L3MBTL4: variants seen among roughly 807,000 people sequenced by gnomAD.
The protein encoded by L3MBTL4 is L3MBTL histone methyl-lysine binding protein 4.
Under a neutral mutation model 84.5 loss-of-function variants are expected in L3MBTL4, and 70 were observed. The ratio of observed to expected loss-of-function variants is 0.83; its 90% confidence interval spans 0.68 to 1.01. The LOEUF is 1.01. L3MBTL4 is among the 50% of genes least tolerant of loss of function. The pLI, the probability that L3MBTL4 is intolerant of heterozygous loss-of-function variation, is 0.00. For missense variants in L3MBTL4, 715 were observed against 754.8 expected (o/e 0.95, Z 0.62); for synonymous variants, 274 against 259.8 (o/e 1.05, Z -0.52).
intron 16 of L3MBTL4, among the ~76,000 whole-genome samples, chr18:6,003,110 GA>G (rs2073357553): frequency 4.0e-5 from 4 of 100,450 alleles, no homozygotes; most frequent in Non-Finnish European, 7.8e-5. Flanking sequence ...TATTTATAGA[GA>G]TACTATATAA....
intron 16 of L3MBTL4, among the ~76,000 whole-genome samples, chr18:6,073,647 G>A (rs2057763214): frequency 1.3e-5 from 2 of 152,124 alleles, no homozygotes; most frequent in Admixed American, 6.5e-5. Flanking sequence ...TTCTCACTTA[G>A]CATGGTAGTC....
At chr18:6,207,476 G>A (rs745808062) in intron 12 of L3MBTL4, among the ~76,000 whole-genome samples, 7 of 152,172 alleles carry the variant, frequency 4.6e-5, no homozygotes, top group Non-Finnish European at 8.8e-5. Flanking sequence ...ACAGCAGCAT[G>A]GGGGTTTGAG....
intron 16 of L3MBTL4, among the ~76,000 whole-genome samples, chr18:6,063,705 AT>A (rs547409498): frequency 0.01 from 1,518 of 150,102 alleles, 26 homozygotes; most frequent in African/African-American, 0.035. Context: ...TGAGATTATT[AT>A]TTTTTTTTCT....
intron 14 of L3MBTL4, among the ~76,000 whole-genome samples, chr18:6,118,492 A>G (rs189291516): frequency 2.0e-3 from 297 of 152,302 alleles, no homozygotes; most frequent in African/African-American, 6.7e-3. Flanking sequence ...ACAGAGATAG[A>G]TCTTATACCT....
intron 12 of L3MBTL4, among the ~76,000 whole-genome samples, chr18:6,174,334 G>C (rs2145239879): frequency 6.6e-6 from 1 of 152,174 alleles, no homozygotes; most frequent in African/African-American, 2.4e-5. Context: ...AAGTAGTTAG[G>C]AAAATATGTT....
chr18:6,373,779 A>T (rs949356170), intron 1 of L3MBTL4, among the ~76,000 whole-genome samples: 2 of 142,476 alleles, frequency 1.4e-5, no homozygotes, highest in Non-Finnish European at 3.1e-5. Context: ...GTGAATTGAT[A>T]AAAAAAAAAA....
At chr18:6,093,570 T>C (rs966814511) in intron 14 of L3MBTL4, 42 bp from the exon 15 acceptor site, 1 of 1,514,492 alleles carries the variant, frequency 6.6e-7, no homozygotes, top group African/African-American at 1.4e-5. Flanking sequence ...CAGTATACAG[T>C]GATAAATCAG....
chr18:5,975,188 T>C (rs74802127), intron 16 of L3MBTL4, among the ~76,000 whole-genome samples: 2,248 of 152,286 alleles, frequency 0.015, 56 homozygotes, highest in African/African-American at 0.052. Context: ...AAAACAAAAC[T>C]GAAGCAAGTG....
chr18:6,025,130 C>T (rs1455314041), intron 16 of L3MBTL4: 1 of 152,174 alleles, frequency 6.6e-6, no homozygotes, highest in African/African-American at 2.4e-5. Context: ...AGAAAACAAG[C>T]ATCCTGGTTC....
chr18:6,029,789 T>C, intron 16 of L3MBTL4: 2 of 985,404 alleles, frequency 2.0e-6, no homozygotes, highest in Non-Finnish European at 2.4e-6. Flanking sequence ...AAAACTGATA[T>C]TAAAGTTCAT....
At chr18:6,185,808 C>A (rs1180028657) in intron 12 of L3MBTL4, among the ~76,000 whole-genome samples, 1 of 152,014 alleles carries the variant, frequency 6.6e-6, no homozygotes, top group Non-Finnish European at 1.5e-5. Context: ...TCAACAGGGG[C>A]TGGGGTCAAC....
chr18:6,004,544 A>C (rs2054373730), intron 16 of L3MBTL4, among the ~76,000 whole-genome samples: 1 of 152,232 alleles, frequency 6.6e-6, no homozygotes, highest in African/African-American at 2.4e-5. Flanking sequence ...TAGAAAAGGA[A>C]GAAGGAGAAT....
At chr18:6,216,111 C>T (rs1053166682) in intron 10 of L3MBTL4, among the ~76,000 whole-genome samples, 1 of 152,168 alleles carries the variant, frequency 6.6e-6, no homozygotes, top group Non-Finnish European at 1.5e-5. Context: ...GAGTACTTCA[C>T]AGAGCCAGGT....
chr18:6,156,682 T>C (rs1374799407), intron 13 of L3MBTL4, among the ~76,000 whole-genome samples: 9 of 152,192 alleles, frequency 5.9e-5, no homozygotes, highest in Non-Finnish European at 1.3e-4. Flanking sequence ...TAAATTGGGA[T>C]AGGGTGAGAA....
intron 1 of L3MBTL4, among the ~76,000 whole-genome samples, chr18:6,356,000 C>T (rs964387833): frequency 6.6e-6 from 1 of 152,162 alleles, no homozygotes; most frequent in African/African-American, 2.4e-5. Flanking sequence ...GGCTTGAGAC[C>T]TCTAGAGCTC....
At chr18:5,963,002 G>A (rs1295340104) in intron 17 of L3MBTL4, among the ~76,000 whole-genome samples, 1 of 152,178 alleles carries the variant, frequency 6.6e-6, no homozygotes, top group African/African-American at 2.4e-5. Context: ...CCCCTGGGGG[G>A]CAACATTGCC....
chr18:6,169,113 T>G (rs2043833713), intron 13 of L3MBTL4, among the ~76,000 whole-genome samples: 1 of 152,070 alleles, frequency 6.6e-6, no homozygotes, highest in African/African-American at 2.4e-5. Context: ...GAAATGCAAA[T>G]CAAAACCACA....
chr18:6,337,480 T>C (rs1414086027), intron 1 of L3MBTL4, among the ~76,000 whole-genome samples: 1 of 152,104 alleles, frequency 6.6e-6, no homozygotes, highest in African/African-American at 2.4e-5. Context: ...ATAAATACCA[T>C]AAACATTATT....
At chr18:6,355,851 A>AAC (rs1555741618) in intron 1 of L3MBTL4, among the ~76,000 whole-genome samples, 9 of 151,668 alleles carry the variant, frequency 5.9e-5, no homozygotes, top group African/African-American at 2.2e-4. Flanking sequence ...ATAAAAAAAA[A>AAC]AAACAAACAA....
Sources: gnomAD v4.1 joint callset for allele counts (sites outside exome capture counted in the v4.1 genomes callset) on GRCh38, gnomAD v4.1.1 for gene constraint, MANE v1.5 for transcripts, NCBI Gene and HGNC (gene_info 2026-07-23, HGNC 2026-07-21) for gene names.